CPXM2: variants seen among roughly 807,000 people sequenced by gnomAD.
CPXM2 encodes the protein carboxypeptidase X, M14 family member 2, also known as inactive carboxypeptidase-like protein X2.
A neutral mutation model predicts 86.1 loss-of-function variants in CPXM2; 66 were observed. That is an observed-to-expected ratio of 0.77 (90% CI 0.63 to 0.94). The LOEUF is 0.94. CPXM2 is among the 40% of genes least tolerant of loss of function. The probability of loss-of-function intolerance (pLI) is 0.00; values close to 1 mark genes in which losing one functional copy is unlikely to be tolerated. For missense variants in CPXM2, 948 were observed against 1,026.3 expected (o/e 0.92, Z 1.04); for synonymous variants, 388 against 400.2 (o/e 0.97, Z 0.36).
chr10:123,929,411 G>A (rs1173274180), intron 2 of CPXM2, among the ~76,000 whole-genome samples: 1 of 152,230 alleles, frequency 6.6e-6, no homozygotes, highest in Non-Finnish European at 1.5e-5. Context: ...ATGGCTTTAT[G>A]GGCCAGAGTC....
At chr10:123,839,486 G>T (rs1848342080) in intron 4 of CPXM2, among the ~76,000 whole-genome samples, 1 of 152,130 alleles carries the variant, frequency 6.6e-6, no homozygotes, top group South Asian at 2.1e-4. Flanking sequence ...GCATCTAATA[G>T]GTGCCTGGTC....
At chr10:123,770,601 A>G (rs1278092080) in intron 8 of CPXM2, among the ~76,000 whole-genome samples, 1 of 152,236 alleles carries the variant, frequency 6.6e-6, no homozygotes, top group Non-Finnish European at 1.5e-5. Context: ...AGGAGGAGGA[A>G]ATTCTGTCCT....
chr10:123,819,619 T>C (rs971916204), intron 4 of CPXM2, among the ~76,000 whole-genome samples: 4 of 152,262 alleles, frequency 2.6e-5, no homozygotes, highest in Admixed American at 2.0e-4. Flanking sequence ...CATATCAGCA[T>C]TTAAGTATTG....
chr10:123,862,065 G>GA (rs1848860902), intron 3 of CPXM2, among the ~76,000 whole-genome samples: 3 of 152,220 alleles, frequency 2.0e-5, no homozygotes, highest in Admixed American at 2.0e-4. Context: ...AGGGAGGCCT[G>GA]ACAGTCTTGA....
chr10:123,892,300 G>A (rs573047711), upstream of CPXM2, among the ~76,000 whole-genome samples: 171 of 152,236 alleles, frequency 1.1e-3, no homozygotes, highest in African/African-American at 3.9e-3. Flanking sequence ...AAAGTTCCCT[G>A]GGAGCAGGGC....
chr10:123,794,007 A>G (rs993572532), intron 6 of CPXM2, among the ~76,000 whole-genome samples: 1 of 152,244 alleles, frequency 6.6e-6, no homozygotes, highest in African/African-American at 2.4e-5. Flanking sequence ...CAATTAAAAT[A>G]GCTTTTCAAT....
At chr10:123,845,361 A>C (rs1848476120) in intron 3 of CPXM2, among the ~76,000 whole-genome samples, 1 of 152,096 alleles carries the variant, frequency 6.6e-6, no homozygotes, top group Non-Finnish European at 1.5e-5. Context: ...AACAGAAAAA[A>C]GGCTTTAAAA....
intron 12 of CPXM2, among the ~76,000 whole-genome samples, chr10:123,756,183 C>A (rs896224834): frequency 6.6e-6 from 1 of 152,186 alleles, no homozygotes; most frequent in Admixed American, 6.5e-5. Flanking sequence ...ACCTTGTGTC[C>A]AGCCTCAGAG....
chr10:123,768,648 C>CCAGCAG lies in CPXM2; in HGVS notation c.1171_1176dup (p.Leu391_Leu392dup). 1 of 1,613,054 alleles carries CCAGCAG rather than the reference C, an allele frequency of 6.2e-7. No individual in the cohort carries two copies. Among genetic ancestry groups the CCAGCAG allele is most frequent in the Non-Finnish European group, 8.5e-7 (1 of 1,179,548 alleles). On this transcript the variant is annotated inframe_insertion, in exon 9 of 14. Transcript: ENST00000241305. The stretch of plus-strand genomic sequence containing the variant: ...AAGTACTCCTGACACACGAACTGCA[C>CCAGCAG]CAGCAGCAGCAGCAGCTCCCGGCCC...
intron 4 of CPXM2, among the ~76,000 whole-genome samples, chr10:123,800,064 C>T (rs1847423950): frequency 7.0e-6 from 1 of 143,200 alleles, no homozygotes; most frequent in Non-Finnish European, 1.5e-5. Flanking sequence ...AAATTCTGCC[C>T]ATTGAAGTAT....
rs1380995856 is a variant in CPXM2, at chr10:123,837,577, T to G, written c.653+4772A>C. ...GTTAGCACTCATATATCTAATATACTTTCTGTCATTAGGGAAATAAAAGAC... is the reference window on the plus strand; with the variant it reads ...GTTAGCACTCATATATCTAATATACGTTCTGTCATTAGGGAAATAAAAGAC... On this transcript the variant is annotated intron_variant, in intron 4 of 13. Transcript: ENST00000241305. Among the ~76,000 whole-genome samples the G allele has an allele frequency of 2.0e-5, 3 of 152,340 alleles. No individual in the cohort carries two copies. The East Asian group carries it at 5.8e-4, about 29-fold the overall frequency.
At chr10:123,860,126 A>G (rs1192050631) in intron 3 of CPXM2, among the ~76,000 whole-genome samples, 1 of 152,194 alleles carries the variant, frequency 6.6e-6, no homozygotes, top group African/African-American at 2.4e-5. Context: ...GAAATAAGTA[A>G]ATGAAGGTTC....
chr10:123,750,709 A>T, intron 13 of CPXM2: 1 of 985,434 alleles, frequency 1.0e-6, no homozygotes, highest in Non-Finnish European at 1.2e-6. Context: ...AAGAAAGGTC[A>T]AAAGAATGAA....
intron 6 of CPXM2, among the ~76,000 whole-genome samples, chr10:123,795,830 C>G (rs1487579199): frequency 6.6e-6 from 1 of 152,194 alleles, no homozygotes; most frequent in Non-Finnish European, 1.5e-5. Flanking sequence ...GGCCCATCTT[C>G]AAACACGCAC....
chr10:123,836,852 C>T (rs1848292232), intron 4 of CPXM2, among the ~76,000 whole-genome samples: 1 of 151,286 alleles, frequency 6.6e-6, no homozygotes, highest in Non-Finnish European at 1.5e-5. Flanking sequence ...CCATTAGCCA[C>T]CCCCCACCAA....
rs1427160202 is a variant in CPXM2 at position 123,768,610 on chromosome 10, C to T, written c.1215G>A (p.Ala405=). ...TCTCCTCCACCAGGTGGACGATGCG[C>T]GCATTCCGGGCCAAGTACTCCTGAC... ...FVCQEYLARN[A]RIVHLVEETR... is the part of the protein sequence containing the mutation. Residue 405 remains alanine (A), a synonymous_variant, in exon 9 of 14, where the codon GCG becomes GCA. Coordinates refer to ENST00000241305, the MANE Select transcript of CPXM2 (RefSeq NM_198148.3). 5.0e-6 allele frequency: 8 copies of T among 1,614,030 alleles called. No individual in the cohort carries two copies. Among genetic ancestry groups the T allele is most frequent in the Admixed American group, 1.7e-5 (1 of 60,010 alleles).
intron 2 of CPXM2, among the ~76,000 whole-genome samples, chr10:123,869,914 G>C (rs1213542234): frequency 6.6e-6 from 1 of 152,158 alleles, no homozygotes; most frequent in Non-Finnish European, 1.5e-5. Context: ...TCAGAATACA[G>C]CATATAAATA....
chr10:123,870,487 T>C (rs571296191), intron 2 of CPXM2, among the ~76,000 whole-genome samples: 3 of 152,342 alleles, frequency 2.0e-5, no homozygotes, highest in Non-Finnish European at 2.9e-5. Flanking sequence ...TTCGACTTAA[T>C]GGAATTCTTG....
Position 123,792,747 on chromosome 10 carries a change from C to T in CPXM2, c.889+5229G>A, listed in dbSNP as rs543524013. ...GCCCAGGCTGCCCCTTTGTTATCCC[C>T]AGACCTTCTGCAATACTTACGCATA... On this transcript the variant is annotated intron_variant, in intron 6 of 13. Coordinates refer to ENST00000241305, the MANE Select transcript of CPXM2 (RefSeq NM_198148.3). Among the ~76,000 whole-genome samples, 14 of 152,338 alleles carry T rather than the reference C, an allele frequency of 9.2e-5. No homozygotes were observed. The South Asian group carries it at 2.3e-3, about 25-fold the overall frequency.
Sources: allele counts gnomAD v4.1 joint callset (sites outside exome capture counted in the v4.1 genomes callset), GRCh38; gene constraint gnomAD v4.1.1; transcripts MANE v1.5; gene names NCBI Gene and HGNC (gene_info 2026-07-23, HGNC 2026-07-21).